Variants in CAST observed in about 807,000 individuals in gnomAD.
The protein encoded by CAST is calpastatin.
Under a neutral mutation model 119.6 loss-of-function variants are expected in CAST, and 76 were observed. That is an observed-to-expected ratio of 0.64 (90% CI 0.53 to 0.77). The LOEUF (loss-of-function observed/expected upper bound fraction) is 0.77, where lower values mean the gene tolerates loss of function less well. CAST is among the 30% of genes least tolerant of loss of function. The probability of loss-of-function intolerance (pLI) is 0.00; values close to 1 mark genes in which losing one functional copy is unlikely to be tolerated. For synonymous variants in CAST, 319 were observed against 331.6 expected, an observed-to-expected ratio of 0.96 and a Z score of 0.41; for missense variants, 953 against 946.5, an observed-to-expected ratio of 1.01 and a Z score of -0.09.
chr5:96,668,106 T>A (rs778626905), intron 1 of CAST, among the ~76,000 whole-genome samples: 1 of 152,080 alleles, frequency 6.6e-6, no homozygotes, highest in African/African-American at 2.4e-5. Flanking sequence ...GTCCTAATCT[T>A]GTTTTATCTG....
the CAST span, among the ~76,000 whole-genome samples, chr5:96,169,367 T>C: frequency 2.6e-5 from 4 of 152,090 alleles, no homozygotes; most frequent in East Asian, 1.9e-4. Flanking sequence ...AAAGAAAGCA[T>C]GTTTGGGATC....
At position 96,602,725 on chromosome 5, in the gene CAST, G is replaced by A. The variant is rs1004888770; in HGVS notation, c.61-72814G>A. 2.0e-5 allele frequency among the ~76,000 whole-genome samples: 3 copies of A among 152,236 alleles called. No individual in the cohort carries two copies. The South Asian group carries it at 6.2e-4, about 32-fold the overall frequency. On this transcript the variant is annotated intron_variant, in intron 1 of 11. Coordinates refer to the CAST transcript ENST00000505143. ...AATCACGCCATTACACTCTAGCCTG[G>A]GCAACAAGAGTGAAACACTGTCTCA...
intron 15 of CAST, 66 bp downstream of exon 15, chr5:96,741,646 G>A (rs1762703339): frequency 1.9e-6 from 2 of 1,033,964 alleles, no homozygotes; most frequent in South Asian, 2.7e-5. Flanking sequence ...TCAGGAAACT[G>A]CCAGTAGCAC....
chr5:96,570,569 T>C (rs567161225), intron 1 of CAST, among the ~76,000 whole-genome samples: 13 of 151,944 alleles, frequency 8.6e-5, no homozygotes, highest in African/African-American at 2.2e-4. Flanking sequence ...AAAAGAGACA[T>C]TTGAGCGGAT....
At chr5:96,302,331 G>A in the CAST span, among the ~76,000 whole-genome samples, 1 of 152,150 alleles carries the variant, frequency 6.6e-6, no homozygotes, top group East Asian at 1.9e-4. Flanking sequence ...AATAGGAGGG[G>A]CTGCACAAAG....
the CAST span, among the ~76,000 whole-genome samples, chr5:96,057,020 G>T: frequency 6.6e-6 from 1 of 152,092 alleles, no homozygotes; most frequent in African/African-American, 2.4e-5. Context: ...GTGCCTCTGT[G>T]GCTGCTACAT....
At chr5:96,114,292 A>G in the CAST span, among the ~76,000 whole-genome samples, 1 of 152,142 alleles carries the variant, frequency 6.6e-6, no homozygotes, top group African/African-American at 2.4e-5. Context: ...CAATGTCTAC[A>G]ACACCTGGCA....
intron 1 of CAST, among the ~76,000 whole-genome samples, chr5:96,575,433 A>G (rs943992411): frequency 2.0e-5 from 3 of 152,150 alleles, no homozygotes; most frequent in African/African-American, 7.2e-5. Context: ...CTCTAGTACT[A>G]TGTTGAGTAA....
the CAST span, among the ~76,000 whole-genome samples, chr5:96,423,884 A>G: frequency 0.025 from 3,745 of 152,276 alleles, 150 homozygotes; most frequent in African/African-American, 0.086. Context: ...GTGCATAGTC[A>G]TTCATGAATG....
chr5:96,043,877 G>C, the CAST span, among the ~76,000 whole-genome samples: 1 of 152,134 alleles, frequency 6.6e-6, no homozygotes, highest in Non-Finnish European at 1.5e-5. Context: ...CAGAATGGGA[G>C]AAGAGAAGAA....
intron 1 of CAST, among the ~76,000 whole-genome samples, chr5:96,653,347 T>C (rs1020354851): frequency 6.6e-6 from 1 of 152,220 alleles, no homozygotes; most frequent in Non-Finnish European, 1.5e-5. Context: ...TGCTGTCTCA[T>C]CTAGAGAGTT....
chr5:96,119,037 A>G, the CAST span, among the ~76,000 whole-genome samples: 4 of 152,258 alleles, frequency 2.6e-5, no homozygotes, highest in South Asian at 8.3e-4. Flanking sequence ...CTCTAAATGC[A>G]TGCATCATTT....
At chr5:95,977,437 G>A in the CAST span, among the ~76,000 whole-genome samples, 9 of 152,174 alleles carry the variant, frequency 5.9e-5, no homozygotes, top group Non-Finnish European at 8.8e-5. Flanking sequence ...AAGTTGTGCC[G>A]CATGTATTTT....
intron 1 of CAST, among the ~76,000 whole-genome samples, chr5:96,534,413 G>GGGCACGGTGACTCACGCC (rs1580813453): frequency 6.6e-6 from 1 of 151,910 alleles, no homozygotes; most frequent in African/African-American, 2.4e-5. Context: ...AAAATAGGCT[G>GGGCACGGTGACTCACGCC]TAATCCCACC....
the CAST span, among the ~76,000 whole-genome samples, chr5:96,500,275 A>C: frequency 6.6e-6 from 1 of 152,240 alleles, no homozygotes; most frequent in Admixed American, 6.5e-5. Context: ...ATAAACCTTC[A>C]ATTTGTAAAA....
At chr5:96,236,708 CATACTT>C in the CAST span, among the ~76,000 whole-genome samples, 3 of 152,164 alleles carry the variant, frequency 2.0e-5, no homozygotes, top group African/African-American at 7.2e-5. Flanking sequence ...ATGTTTCAGA[CATACTT>C]ATACTAAAAA....
chr5:96,578,730 G>A (rs1356416087), intron 1 of CAST, among the ~76,000 whole-genome samples: 2 of 151,900 alleles, frequency 1.3e-5, no homozygotes, highest in African/African-American at 4.8e-5. Flanking sequence ...GTCTTTTCCT[G>A]TTGAAGTTGG....
intron 3 of CAST, among the ~76,000 whole-genome samples, chr5:96,697,125 G>T (rs777732406): frequency 2.0e-4 from 30 of 151,736 alleles, no homozygotes; most frequent in Admixed American, 6.6e-4. Flanking sequence ...CCGAGATAGC[G>T]CCACTGCACT....
rs144768751 is a variant in CAST, at chr5:96,610,466, C to T, written c.61-65073C>T. Among the ~76,000 whole-genome samples the T allele has an allele frequency of 1.4e-4, 22 of 152,332 alleles. No individual in the cohort carries two copies. In the East Asian group the frequency reaches 3.9e-3, roughly 27 times the overall value. On this transcript the variant is annotated intron_variant, in intron 1 of 11. Coordinates refer to the CAST transcript ENST00000505143. ...CGAAAAGGCATTCGATAAAATCCAA[C>T]ATCTTTTCATGACAAAAATCCTCAA...
Sources: allele counts gnomAD v4.1 joint callset (sites outside exome capture counted in the v4.1 genomes callset), GRCh38; gene constraint gnomAD v4.1.1; transcripts MANE v1.5; gene names NCBI Gene and HGNC (gene_info 2026-07-23, HGNC 2026-07-21).